SCOC: variants seen among roughly 807,000 people sequenced by gnomAD.
The protein encoded by SCOC is short coiled-coil protein.
SCOC carries 7 observed loss-of-function variants against 9.9 expected under a neutral mutation model. The ratio of observed to expected loss-of-function variants is 0.71; its 90% CI spans 0.40 to 1.33. The LOEUF is 1.33. SCOC is among the 40% of genes most tolerant of loss of function. The pLI is 0.01. For missense variants in SCOC, 66 were observed against 89.7 expected, an observed-to-expected ratio of 0.74 and a Z score of 1.07; for synonymous variants, 19 against 28.2, an observed-to-expected ratio of 0.67 and a Z score of 1.03.
At chr4:140,330,618 G>T (rs1046575715) in intron 1 of SCOC, among the ~76,000 whole-genome samples, 4 of 152,170 alleles carry the variant, frequency 2.6e-5, no homozygotes, top group Non-Finnish European at 5.9e-5. Flanking sequence ...AGTATCAATT[G>T]CTTGGTTCAA....
intron 2 of SCOC, chr4:140,343,857 T>A: frequency 2.0e-6 from 1 of 498,830 alleles, no homozygotes; most frequent in Non-Finnish European, 3.5e-6. Context: ...AGGTTTTAAT[T>A]AAGAGCTGTT....
At chr4:140,279,783 A>ATT (rs1446732031) in intron 1 of SCOC, among the ~76,000 whole-genome samples, 1 of 151,984 alleles carries the variant, frequency 6.6e-6, no homozygotes, top group East Asian at 1.9e-4. Flanking sequence ...CAGAACTTAT[A>ATT]TTTTTTTCTC....
chr4:140,353,362 T>G (rs1727060001), intron 2 of SCOC, among the ~76,000 whole-genome samples: 1 of 151,998 alleles, frequency 6.6e-6, no homozygotes, highest in Non-Finnish European at 1.5e-5. Context: ...CAGAAAGAGG[T>G]GTTTTGCTTT....
At chr4:140,286,853 G>A (rs1731285662) in intron 1 of SCOC, among the ~76,000 whole-genome samples, 2 of 152,156 alleles carry the variant, frequency 1.3e-5, no homozygotes, top group Admixed American at 1.3e-4. Flanking sequence ...ATCTTGCTGA[G>A]TACAGAGGTA....
intron 1 of SCOC, among the ~76,000 whole-genome samples, chr4:140,310,410 A>T (rs1412320064): frequency 6.6e-6 from 1 of 152,138 alleles, no homozygotes; most frequent in Non-Finnish European, 1.5e-5. Flanking sequence ...TGCCAGTGGG[A>T]TTGGTATATC....
Position 140,265,791 on chromosome 4 carries a change from T to G in SCOC, c.-19+8381T>G, listed in dbSNP as rs72937764. The stretch of plus-strand genomic sequence containing the variant: ...CTCAATAATCTTGAAGTCTAGTTTC[T>G]GATTAAGATGTGGCCATCTGTCCCA... On this transcript the variant is annotated intron_variant, in intron 1 of 4. Coordinates refer to the SCOC transcript ENST00000394205. Among the ~76,000 whole-genome samples the G allele has an allele frequency of 1.0e-3, 159 of 152,356 alleles. 1 individual carries two copies. The highest frequency in any genetic ancestry group is 3.8e-3 in the African/African-American group (156 of 41,576).
chr4:140,262,731 G>A (rs1730658450), intron 1 of SCOC, among the ~76,000 whole-genome samples: 1 of 152,122 alleles, frequency 6.6e-6, no homozygotes, highest in African/African-American at 2.4e-5. Flanking sequence ...TGCTGTACAG[G>A]AGGCTTGGCT....
upstream of SCOC, among the ~76,000 whole-genome samples, chr4:140,338,836 C>T (rs1033383419): frequency 2.6e-5 from 4 of 152,092 alleles, no homozygotes; most frequent in East Asian, 1.9e-4. Flanking sequence ...CATGCTCATG[C>T]GTAGGAAGAA....
intron 1 of SCOC, among the ~76,000 whole-genome samples, chr4:140,275,059 A>T (rs532231590): frequency 1.3e-5 from 2 of 152,368 alleles, no homozygotes; most frequent in African/African-American, 4.8e-5. Context: ...TCAGATTCAC[A>T]GAACTGGATA....
upstream of SCOC, among the ~76,000 whole-genome samples, chr4:140,339,519 CGG>C (rs1560708230): frequency 4.6e-5 from 7 of 152,126 alleles, no homozygotes; most frequent in African/African-American, 1.7e-4. Context: ...AGGCAACCTA[CGG>C]AATGGGAGAA....
At chr4:140,303,665 T>G (rs184677976) in intron 1 of SCOC, among the ~76,000 whole-genome samples, 125 of 152,250 alleles carry the variant, frequency 8.2e-4, no homozygotes, top group African/African-American at 3.0e-3. Flanking sequence ...AAGTTCTGAG[T>G]TCCTCAGTTC....
chr4:140,380,417 C>G (rs2126603236), intron 3 of SCOC, among the ~76,000 whole-genome samples: 1 of 152,002 alleles, frequency 6.6e-6, no homozygotes, highest in East Asian at 1.9e-4. Context: ...CCAGGCTGGT[C>G]TCAAACTCCT....
At chr4:140,327,450 C>A (rs929297841) in intron 1 of SCOC, among the ~76,000 whole-genome samples, 6 of 151,750 alleles carry the variant, frequency 4.0e-5, no homozygotes, top group Non-Finnish European at 8.8e-5. Context: ...AAAAAAAAAT[C>A]ACTTATTAGT....
At chr4:140,363,845 T>C (rs1727675636) in intron 2 of SCOC, among the ~76,000 whole-genome samples, 1 of 152,214 alleles carries the variant, frequency 6.6e-6, no homozygotes, top group Admixed American at 6.5e-5. Context: ...TTGTGTTTAG[T>C]GCAATACTGT....
chr4:140,344,407 G>T (rs1726629987), intron 2 of SCOC, among the ~76,000 whole-genome samples: 1 of 152,180 alleles, frequency 6.6e-6, no homozygotes, highest in Admixed American at 6.5e-5. Context: ...CAAGACTGCA[G>T]CTAAGCAATG....
upstream of SCOC, among the ~76,000 whole-genome samples, chr4:140,338,611 C>T (rs1578825434): frequency 6.6e-6 from 1 of 152,150 alleles, no homozygotes; most frequent in Non-Finnish European, 1.5e-5. Context: ...TCTCAGGATA[C>T]AAAATCAATG....
intron 1 of SCOC, among the ~76,000 whole-genome samples, chr4:140,313,690 G>C (rs904583929): frequency 1.3e-5 from 2 of 152,296 alleles, no homozygotes; most frequent in South Asian, 4.1e-4. Context: ...CTAGTATCCC[G>C]GTGGAGGCAG....
chr4:140,318,773 A>G (rs1488675256), intron 1 of SCOC, among the ~76,000 whole-genome samples: 5 of 151,446 alleles, frequency 3.3e-5, no homozygotes, highest in Admixed American at 3.3e-4. Flanking sequence ...ATAAAGACAC[A>G]TGCACACGTA....
chr4:140,379,543 A>T (rs1256914781), intron 2 of SCOC, 26 bp from the exon 3 acceptor site: 4 of 1,519,846 alleles, frequency 2.6e-6, no homozygotes, highest in Non-Finnish European at 1.8e-6. Context: ...GCTAATTAAT[A>T]GTAAATTTGA....
Sources: allele counts gnomAD v4.1 joint callset (sites outside exome capture counted in the v4.1 genomes callset), GRCh38; gene constraint gnomAD v4.1.1; transcripts MANE v1.5; gene names NCBI Gene and HGNC (gene_info 2026-07-23, HGNC 2026-07-21).